Variants in ARHGAP21 observed in about 807,000 individuals in gnomAD.
ARHGAP21 encodes the protein rho GTPase-activating protein 21.
Under a neutral mutation model 164.6 loss-of-function variants are expected in ARHGAP21, and 38 were observed. The ratio of observed to expected loss-of-function variants is 0.23; its 90% CI spans 0.18 to 0.30. The LOEUF is 0.30. ARHGAP21 is among the 10% of genes least tolerant of loss of function. The pLI is 1.00. For synonymous variants in ARHGAP21, 766 were observed against 857.9 expected (o/e 0.89, Z 1.87); for missense variants, 1,822 against 2,370.7 (o/e 0.77, Z 4.81).
chr10:24,587,689 C>T (rs1053998791), intron 25 of ARHGAP21, among the ~76,000 whole-genome samples: 2 of 152,200 alleles, frequency 1.3e-5, no homozygotes, highest in Admixed American at 1.3e-4. Context: ...TCCATCCTCT[C>T]TAGCTTGCTG....
At chr10:24,599,468 A>G (rs1041958666) in intron 14 of ARHGAP21, among the ~76,000 whole-genome samples, 2 of 152,236 alleles carry the variant, frequency 1.3e-5, no homozygotes, top group Non-Finnish European at 2.9e-5. Context: ...AAAGGAAAAA[A>G]AGCACACTTT....
rs2076069320 is a variant in ARHGAP21, at chr10:24,585,574, T to C, written c.4715A>G (p.Lys1572Arg). ...SMKKSTSPET[K>R]HSEFLANVST... Reference sequence around the variant, plus strand: ...GACGTTGGCCAAAAACTCGCTATGTTTCGTTTCTGGACTGGTTGATTTCTT... The same window carrying C: ...GACGTTGGCCAAAAACTCGCTATGTCTCGTTTCTGGACTGGTTGATTTCTT... Residue 1572 changes from lysine to arginine, a missense_variant, in exon 26 of 26, where the codon AAA becomes AGA. This residue lies in a region of ARHGAP21 where 333 missense variants were observed against 383.9 expected (regional missense o/e 0.87). Coordinates refer to ENST00000396432, the MANE Select transcript of ARHGAP21 (RefSeq NM_020824.4). 1 of 1,614,036 alleles carries C rather than the reference T, an allele frequency of 6.2e-7. No homozygotes were observed. The highest frequency in any genetic ancestry group is 8.5e-7 in the Non-Finnish European group (1 of 1,180,028).
At chr10:24,697,319 G>A (rs1843260105) in intron 2 of ARHGAP21, among the ~76,000 whole-genome samples, 1 of 152,116 alleles carries the variant, frequency 6.6e-6, no homozygotes, top group Non-Finnish European at 1.5e-5. Context: ...ATGACAAATA[G>A]AGGGATGAAT....
At chr10:24,605,840 T>C (rs1352398032) in intron 11 of ARHGAP21, 1 of 152,072 alleles carries the variant, frequency 6.6e-6, no homozygotes, top group Non-Finnish European at 1.5e-5. Flanking sequence ...CATAAAATAA[T>C]AGCCTTACCA....
intron 7 of ARHGAP21, among the ~76,000 whole-genome samples, chr10:24,626,246 C>T (rs1247791745): frequency 6.6e-6 from 1 of 152,166 alleles, no homozygotes; most frequent in African/African-American, 2.4e-5. Flanking sequence ...ATCTAGTTCT[C>T]CTACCACTAT....
intron 3 of ARHGAP21, among the ~76,000 whole-genome samples, chr10:24,667,755 GTT>G (rs547781189): frequency 3.0e-3 from 440 of 145,710 alleles, no homozygotes; most frequent in Middle Eastern, 7.1e-3. Context: ...GCTGCCCAAT[GTT>G]TTTTTTTTTT....
At chr10:24,718,254 G>C (rs987706770) in intron 2 of ARHGAP21, among the ~76,000 whole-genome samples, 2 of 152,196 alleles carry the variant, frequency 1.3e-5, no homozygotes, top group East Asian at 3.9e-4. Flanking sequence ...CACAGGAAGA[G>C]GGAGAGTCAG....
chr10:24,601,914 C>G (rs1457336499), intron 13 of ARHGAP21, 64 bp downstream of exon 13: 9 of 1,419,880 alleles, frequency 6.3e-6, no homozygotes, highest in Non-Finnish European at 8.4e-6. Flanking sequence ...TGTATACAGG[C>G]TTTATGGTTT....
rs182500522 is a variant in ARHGAP21 at position 24,660,421 on chromosome 10, G to A, written c.268+6564C>T. Among the ~76,000 whole-genome samples the A allele has an allele frequency of 2.1e-3, 296 of 138,816 alleles. 1 individual carries two copies. Among genetic ancestry groups the A allele is most frequent in the African/African-American group, 7.8e-3 (288 of 37,066 alleles). 91.1% of individuals were successfully genotyped at this position (138,816 alleles called of 152,430 possible). On this transcript the variant is annotated intron_variant, in intron 4 of 25. Transcript: ENST00000396432. ...AAAAAAAAAAAAAAAGATGCTGAAG[G>A]GTTCAGTGAATGTTCCCTCCCAAAG...
intron 2 of ARHGAP21, among the ~76,000 whole-genome samples, chr10:24,695,753 G>A (rs1310243263): frequency 2.0e-5 from 3 of 152,038 alleles, no homozygotes; most frequent in Non-Finnish European, 2.9e-5. Context: ...AGAAACCTCT[G>A]AGGACAGCCT....
At chr10:24,593,106 T>A (rs954539725) in intron 21 of ARHGAP21, among the ~76,000 whole-genome samples, 1 of 151,516 alleles carries the variant, frequency 6.6e-6, no homozygotes, top group African/African-American at 2.4e-5. Flanking sequence ...ACTGCCAAAC[T>A]CAAAAAGCCA....
intron 3 of ARHGAP21, among the ~76,000 whole-genome samples, chr10:24,668,823 ATAC>A (rs1840433901): frequency 6.6e-6 from 1 of 152,156 alleles, no homozygotes; most frequent in Non-Finnish European, 1.5e-5. Context: ...AATAATAATA[ATAC>A]ATGTTTATAT....
At chr10:24,702,351 T>TCAAGCAATTGCCCCAC in intron 2 of ARHGAP21, among the ~76,000 whole-genome samples, 1 of 151,962 alleles carries the variant, frequency 6.6e-6, no homozygotes, top group African/African-American at 2.4e-5. Context: ...CAGGATGGTC[T>TCAAGCAATTGCCCCAC]CGATCTCCTG....
At chr10:24,682,090 A>G (rs886779643) in intron 2 of ARHGAP21, among the ~76,000 whole-genome samples, 1 of 152,102 alleles carries the variant, frequency 6.6e-6, no homozygotes, top group African/African-American at 2.4e-5. Context: ...TACCAGCCAC[A>G]TAGTACACGC....
chr10:24,584,815 C>T lies in ARHGAP21; in HGVS notation c.5474G>A (p.Ser1825Asn), dbSNP rs776877509. 3.7e-6 allele frequency: 6 copies of T among 1,613,854 alleles called. No homozygotes were observed. The African/African-American group carries it at 8.0e-5, about 22-fold the overall frequency. ...TGAAAGTTCAGATTCTCTCTCCCCG[C>T]TCTGCTCATGCACTTTCCAAAAATT... is the stretch of plus-strand genomic sequence containing the variant. ...VLNFWKVHEQ[S>N]GERESELSAV... is the part of the protein sequence containing the mutation. The change falls in exon 26 of 26, where the codon AGC becomes AAC. Residue 1825 changes from serine to asparagine, a missense_variant. Ser to Asn is a conservative substitution (Grantham distance 46). Transcript: ENST00000396432.
intron 2 of ARHGAP21, among the ~76,000 whole-genome samples, chr10:24,700,359 A>C (rs1361608485): frequency 6.6e-6 from 1 of 152,210 alleles, no homozygotes; most frequent in Non-Finnish European, 1.5e-5. Flanking sequence ...CTCACACAGC[A>C]CACCCACAAC....
chr10:24,689,613 T>C (rs1002122752), intron 2 of ARHGAP21, among the ~76,000 whole-genome samples: 2 of 151,936 alleles, frequency 1.3e-5, no homozygotes, highest in African/African-American at 4.8e-5. Flanking sequence ...TGGTGGCACG[T>C]GCCTGTAGTC....
chr10:24,721,718 C>T, intron 2 of ARHGAP21, 119 bp downstream of exon 2: 1 of 1,196,736 alleles, frequency 8.4e-7, no homozygotes, highest in Non-Finnish European at 1.2e-6. Context: ...CTCCCGCCAA[C>T]AGGCTCAAAG....
rs745515097 is a variant in ARHGAP21, at chr10:24,635,094, CTTT to C, written c.275_277del (p.Gln92del). 1 of 1,588,020 alleles carries C rather than the reference CTTT, an allele frequency of 6.3e-7. No individual in the cohort carries two copies. The highest frequency in any genetic ancestry group is 2.2e-5 in the East Asian group (1 of 44,470). ...GGTATCCATTGGTTCCAAGCGGTTT[CTTT>C]GTTTTCCTGTTACAGAGAAGCCCAA... On this transcript the variant is annotated inframe_deletion, in exon 5 of 26. Transcript: ENST00000396432.
Sources: allele counts gnomAD v4.1 joint callset (sites outside exome capture counted in the v4.1 genomes callset), GRCh38; gene constraint gnomAD v4.1.1; regional missense constraint gnomAD v4.1.1; transcripts MANE v1.5; gene names NCBI Gene and HGNC (gene_info 2026-07-23, HGNC 2026-07-21).